Variants in PARN observed in about 807,000 individuals in gnomAD.
PARN encodes the protein poly(A)-specific ribonuclease, also known as poly(A)-specific ribonuclease PARN.
PARN carries 71 observed loss-of-function variants against 102.8 expected under a neutral mutation model. That is an observed-to-expected ratio of 0.69 (90% CI 0.57 to 0.84). The LOEUF (loss-of-function observed/expected upper bound fraction) is 0.84. PARN is among the 40% of genes least tolerant of loss of function. The pLI is 0.00. For synonymous variants in PARN, 261 were observed against 252.9 expected (o/e 1.03, Z -0.30); for missense variants, 782 against 760.9 (o/e 1.03, Z -0.33).
chr16:14,611,815 G>A (rs931811120), intron 6 of PARN, among the ~76,000 whole-genome samples: 1 of 152,148 alleles, frequency 6.6e-6, no homozygotes, highest in Admixed American at 6.5e-5. Flanking sequence ...GATTACAGGC[G>A]GGAGCCACGG....
chr16:14,488,356 G>A (rs1006911565), intron 21 of PARN, among the ~76,000 whole-genome samples: 28 of 152,096 alleles, frequency 1.8e-4, no homozygotes, highest in African/African-American at 6.5e-4. Context: ...ATAGAAAAAA[G>A]GACAGGCATA....
chr16:14,581,509 G>C (rs964134755), intron 17 of PARN, among the ~76,000 whole-genome samples: 2 of 152,122 alleles, frequency 1.3e-5, no homozygotes, highest in African/African-American at 4.8e-5. Context: ...TAGTGCTATA[G>C]GTTCAATGTT....
chr16:14,539,361 A>T (rs1966753430), intron 21 of PARN, among the ~76,000 whole-genome samples: 1 of 152,196 alleles, frequency 6.6e-6, no homozygotes, highest in Non-Finnish European at 1.5e-5. Flanking sequence ...ATGCTGTATC[A>T]AGGACTTGGG....
chr16:14,627,209 CT>C, intron 4 of PARN, 22 bp from the exon 5 acceptor site: 1 of 1,575,444 alleles, frequency 6.3e-7, no homozygotes, highest in Non-Finnish European at 8.7e-7. Flanking sequence ...TAAAAGGAGA[CT>C]TAGGAGGTGA....
At chr16:14,629,572 G>A (rs186650554) in intron 2 of PARN, 25 bp downstream of exon 2, 1 of 1,570,696 alleles carries the variant, frequency 6.4e-7, no homozygotes, top group African/African-American at 1.3e-5. Context: ...CAAAGTGCTA[G>A]CCTGAGCTTG....
intron 22 of PARN, among the ~76,000 whole-genome samples, chr16:14,475,130 T>A (rs1234410155): frequency 6.6e-6 from 1 of 152,212 alleles, no homozygotes; most frequent in African/African-American, 2.4e-5. Context: ...GACTGGCCAA[T>A]GGGATTTTCC....
intron 10 of PARN, among the ~76,000 whole-genome samples, chr16:14,604,952 T>C (rs1285363952): frequency 6.6e-6 from 1 of 151,094 alleles, no homozygotes; most frequent in East Asian, 2.0e-4. Flanking sequence ...ACTTTTTTTG[T>C]ATGTGTGACA....
At chr16:14,437,660 G>A (rs1173826934) in intron 23 of PARN, among the ~76,000 whole-genome samples, 1 of 152,246 alleles carries the variant, frequency 6.6e-6, no homozygotes, top group African/African-American at 2.4e-5. Flanking sequence ...AGCTGCACAA[G>A]TGGTGCCATG....
At chr16:14,565,043 A>G (rs2151725845) in intron 18 of PARN, 1 of 152,288 alleles carries the variant, frequency 6.6e-6, no homozygotes, top group Non-Finnish European at 1.5e-5. Context: ...GTACTTGCAA[A>G]CGGTCTTGGT....
intron 18 of PARN, among the ~76,000 whole-genome samples, chr16:14,567,887 T>C (rs1323715372): frequency 2.0e-5 from 3 of 152,240 alleles, no homozygotes; most frequent in African/African-American, 7.2e-5. Flanking sequence ...AACCCAACTT[T>C]GCAGCAAGAC....
chr16:14,514,407 C>A (rs373081545), intron 21 of PARN, among the ~76,000 whole-genome samples: 1 of 152,034 alleles, frequency 6.6e-6, no homozygotes, highest in Admixed American at 6.6e-5. Context: ...AGGATGATCT[C>A]GATCTCCTGA....
At chr16:14,525,481 C>T (rs578028239) in intron 21 of PARN, among the ~76,000 whole-genome samples, 1 of 152,266 alleles carries the variant, frequency 6.6e-6, no homozygotes, top group African/African-American at 2.4e-5. Context: ...TGAAGGTCAG[C>T]ACAGCAAGCA....
chr16:14,515,747 G>T (rs373546310), intron 21 of PARN, among the ~76,000 whole-genome samples: 12 of 151,724 alleles, frequency 7.9e-5, no homozygotes, highest in East Asian at 5.8e-4. Flanking sequence ...GCCAGCCTGG[G>T]CAATACAGCA....
chr16:14,485,556 T>C (rs1321958265), intron 21 of PARN, among the ~76,000 whole-genome samples: 1 of 152,254 alleles, frequency 6.6e-6, no homozygotes, highest in Admixed American at 6.5e-5. Context: ...TATGTTCATC[T>C]ATCAATGTGG....
intron 21 of PARN, among the ~76,000 whole-genome samples, chr16:14,507,686 A>C (rs968279506): frequency 6.6e-6 from 1 of 152,166 alleles, no homozygotes. Context: ...GAAAAAAAAA[A>C]GAGGCCAAGT....
At chr16:14,504,932 T>C (rs1046659916) in intron 21 of PARN, among the ~76,000 whole-genome samples, 6 of 152,216 alleles carry the variant, frequency 3.9e-5, no homozygotes, top group East Asian at 3.8e-4. Context: ...TGGTGAGATA[T>C]AGACACTAAA....
At chr16:14,449,003 G>T (rs1256854396) in intron 22 of PARN, among the ~76,000 whole-genome samples, 1 of 152,114 alleles carries the variant, frequency 6.6e-6, no homozygotes, top group African/African-American at 2.4e-5. Flanking sequence ...ACTAGAAAAA[G>T]TTCGGCTGAT....
At chr16:14,437,592 G>A (rs1405992082) in intron 23 of PARN, among the ~76,000 whole-genome samples, 3 of 152,228 alleles carry the variant, frequency 2.0e-5, no homozygotes, top group Non-Finnish European at 2.9e-5. Context: ...TTCAACGAAT[G>A]TGAGGGAAGT....
chr16:14,453,989 C>T (rs1294534691), intron 22 of PARN, among the ~76,000 whole-genome samples: 1 of 152,172 alleles, frequency 6.6e-6, no homozygotes, highest in African/African-American at 2.4e-5. Flanking sequence ...TTATGTTTAA[C>T]TTTACAGGAA....
Sources: allele counts gnomAD v4.1 joint callset (sites outside exome capture counted in the v4.1 genomes callset), GRCh38; gene constraint gnomAD v4.1.1; transcripts MANE v1.5; gene names NCBI Gene and HGNC (gene_info 2026-07-23, HGNC 2026-07-21).